Variants in PCDHGB1 observed in about 807,000 individuals in gnomAD.
PCDHGB1 encodes protocadherin gamma subfamily B, 1.
Under a neutral mutation model 56.6 loss-of-function variants are expected in PCDHGB1, and 34 were observed. The observed-to-expected ratio is 0.60, with a 90% CI of 0.46 to 0.80. The LOEUF (loss-of-function observed/expected upper bound fraction) is 0.80. Among genes scored for constraint, PCDHGB1 ranks in the 30% least tolerant of loss-of-function variants. The pLI, the probability that PCDHGB1 is intolerant of heterozygous loss-of-function variation, is 0.00. For synonymous variants in PCDHGB1, 561 were observed against 505.9 expected (o/e 1.11, Z -1.46); for missense variants, 1,278 against 1,204.6 (o/e 1.06, Z -0.90).
At position 141,486,481 on chromosome 5, in the gene PCDHGB1, T is replaced by C. The variant is rs1562112794; in HGVS notation, c.2410-8326T>C. 1 of 1,614,036 alleles carries C rather than the reference T, an allele frequency of 6.2e-7. No individual in the cohort carries two copies. The highest frequency in any genetic ancestry group is 8.5e-7 in the Non-Finnish European group (1 of 1,179,976). Reference sequence around the variant, plus strand: ...CTGATGCTGGGAACCCTCCTCTCAGTACCCACAGAACTATTTTCCTCAATA... The same window carrying C: ...CTGATGCTGGGAACCCTCCTCTCAGCACCCACAGAACTATTTTCCTCAATA... On this transcript the variant is annotated intron_variant, in intron 1 of 3. Coordinates refer to ENST00000523390, the MANE Select transcript of PCDHGB1 (RefSeq NM_018922.3). This position sits in a 1 kb window ranked among gnomAD's most constrained non-coding sequence, Gnocchi z 5.0.
intron 1 of PCDHGB1, chr5:141,374,762 C>A (rs765014957): frequency 1.2e-5 from 19 of 1,613,390 alleles, no homozygotes. Flanking sequence ...AAGCGTCGCC[C>A]AAATTCTGGT....
At position 141,477,843 on chromosome 5, in the gene PCDHGB1, C is replaced by T; in HGVS notation, c.2410-16964C>T. The T allele has an allele frequency of 6.2e-7, 1 of 1,613,408 alleles. No homozygotes were observed. Among genetic ancestry groups the T allele is most frequent in the Non-Finnish European group, 8.5e-7 (1 of 1,179,796 alleles). On this transcript the variant is annotated intron_variant, in intron 1 of 3. Coordinates refer to ENST00000523390, the MANE Select transcript of PCDHGB1 (RefSeq NM_018922.3). The surrounding 1 kb of genome is among the most constrained non-coding windows in gnomAD (Gnocchi z 4.9). Reference sequence around the variant, plus strand: ...CTATATCCTCGGCCAGGTGGGAGCTCGGTGGAGATGCTGCCTCGAGGTACC... The same window carrying T: ...CTATATCCTCGGCCAGGTGGGAGCTTGGTGGAGATGCTGCCTCGAGGTACC...
Position 141,454,782 on chromosome 5 carries a change from C to A in PCDHGB1, c.2410-40025C>A, listed in dbSNP as rs116242508. On this transcript the variant is annotated intron_variant, in intron 1 of 3. Transcript: ENST00000523390. ...GACATGTTTTTTACAAGGAAATAAT[C>A]CTCCATGGTTCTAATTTTTTTTTTT... is the stretch of plus-strand genomic sequence containing the variant. 8.4e-3 allele frequency among the ~76,000 whole-genome samples: 1,205 copies of A among 143,216 alleles called. 20 individuals are homozygous for A. Among genetic ancestry groups the A allele is most frequent in the African/African-American group, 0.03 (1,150 of 37,952 alleles). The allele number at this position is 143,216 out of a possible 152,430, so 94.0% of individuals were successfully genotyped here. A position where few individuals can be genotyped will look rare whatever the true frequency, so the allele number is the denominator to read the frequency against.
In PCDHGB1 at chr5:141,491,257, G is replaced by A. The variant is rs754721047; in HGVS notation, c.2410-3550G>A. 2 of 1,614,170 alleles carry A rather than the reference G, an allele frequency of 1.2e-6. No individual in the cohort carries two copies. The highest frequency in any genetic ancestry group is 3.3e-5 in the Admixed American group (2 of 60,020). On this transcript the variant is annotated intron_variant, in intron 1 of 3. Coordinates refer to ENST00000523390, the MANE Select transcript of PCDHGB1 (RefSeq NM_018922.3). This position sits in a 1 kb window ranked among gnomAD's most constrained non-coding sequence, Gnocchi z 6.9. ...GGTTCTGGAGGATGAGGACCCTGAG[G>A]AAATGCCCAAATCCAGTGACTTCCT... is the stretch of plus-strand genomic sequence containing the variant.
intron 2 of PCDHGB1, among the ~76,000 whole-genome samples, chr5:141,498,411 C>T (rs747823234): frequency 2.0e-5 from 3 of 152,158 alleles, no homozygotes; most frequent in Non-Finnish European, 4.4e-5. Context: ...TTTCTCTTTG[C>T]TGGCACTGGA....
At chr5:141,362,128 G>T (rs1359609195) in intron 1 of PCDHGB1, 2 of 1,613,900 alleles carry the variant, frequency 1.2e-6, no homozygotes, top group Admixed American at 3.3e-5. Flanking sequence ...CCTAATCTTC[G>T]CGGATAGCCT....
At chr5:141,397,183 T>C (rs1319444729) in intron 1 of PCDHGB1, among the ~76,000 whole-genome samples, 2 of 152,190 alleles carry the variant, frequency 1.3e-5, no homozygotes, top group East Asian at 3.8e-4. Flanking sequence ...AATGAATTTA[T>C]GTACTGTAAA....
chr5:141,423,234 C>A (rs1408925478), intron 1 of PCDHGB1: 1 of 1,613,800 alleles, frequency 6.2e-7, no homozygotes, highest in Non-Finnish European at 8.5e-7. Context: ...CCGACAGCAT[C>A]CCCGAAGTCC....
rs147506725 is a variant in PCDHGB1, at chr5:141,442,240, G to A, written c.2410-52567G>A. Reference sequence around the variant, plus strand: ...CTTTAATTTCCTTTTTATTCTTCCTGATTGCATTGTTTGTGCTGGTTTTAA... The same window carrying A: ...CTTTAATTTCCTTTTTATTCTTCCTAATTGCATTGTTTGTGCTGGTTTTAA... On this transcript the variant is annotated intron_variant, in intron 1 of 3. Transcript: ENST00000523390. 1,291 of 153,334 alleles carry A rather than the reference G, an allele frequency of 8.4e-3. 26 individuals carry two copies. The highest frequency in any genetic ancestry group is 0.029 in the African/African-American group (1,208 of 41,552). 9.5% of individuals were successfully genotyped at this position (153,334 alleles called of 1,614,324 possible).
intron 1 of PCDHGB1, chr5:141,371,239 T>C (rs1319098085): frequency 6.2e-7 from 1 of 1,614,010 alleles, no homozygotes. Flanking sequence ...TATGCCTTCA[T>C]CAATATTGGC....
chr5:141,383,730 G>T (rs781549329), intron 1 of PCDHGB1: 2 of 1,613,866 alleles, frequency 1.2e-6, no homozygotes, highest in Admixed American at 3.3e-5. Context: ...ATGGGGAAGT[G>T]ACATATTCTT....
At chr5:141,368,710 A>G (rs1008956527) in intron 1 of PCDHGB1, among the ~76,000 whole-genome samples, 1 of 152,160 alleles carries the variant, frequency 6.6e-6, no homozygotes, top group African/African-American at 2.4e-5. Flanking sequence ...TGATCCATAC[A>G]TTTTGAATGT....
At chr5:141,359,674 C>T (rs1431712939) in intron 1 of PCDHGB1, among the ~76,000 whole-genome samples, 1 of 151,866 alleles carries the variant, frequency 6.6e-6, no homozygotes, top group Admixed American at 6.6e-5. Context: ...AATCCGTTGC[C>T]CTATACAAGA....
At chr5:141,405,491 C>T (rs1399017717) in intron 1 of PCDHGB1, 1 of 858,762 alleles carries the variant, frequency 1.2e-6, no homozygotes, top group East Asian at 2.7e-5. Flanking sequence ...GTGATCTCGG[C>T]TCATTGCAAC....
At chr5:141,374,860 A>C in intron 1 of PCDHGB1, 1 of 1,613,772 alleles carries the variant, frequency 6.2e-7, no homozygotes, top group East Asian at 2.2e-5. Context: ...CAGTAGGCAC[A>C]CCAGTGTTGG....
chr5:141,372,348 C>A, intron 1 of PCDHGB1: 1 of 1,613,852 alleles, frequency 6.2e-7, no homozygotes, highest in Middle Eastern at 1.6e-4. Context: ...TGGAGGACAG[C>A]AGCCTCTTTC....
At chr5:141,430,811 A>G (rs1193066300) in intron 1 of PCDHGB1, 1 of 1,527,400 alleles carries the variant, frequency 6.5e-7, no homozygotes. Flanking sequence ...CCTGCTGGGA[A>G]TCCTCCTGGG....
At position 141,423,614 on chromosome 5, in the gene PCDHGB1, A is replaced by C. The variant is rs1365658002; in HGVS notation, c.2409+70945A>C. 8 of 1,610,406 alleles carry C rather than the reference A, an allele frequency of 5.0e-6. No homozygotes were observed. The highest frequency in any genetic ancestry group is 6.8e-6 in the Non-Finnish European group (8 of 1,178,132). ...AAAAGCGAGCCACTCTTGATAGCTG[A>C]AGACTCAGCTATCATTTTAGGCAAA... On this transcript the variant is annotated intron_variant, in intron 1 of 3. Transcript: ENST00000523390.
chr5:141,400,245 C>T (rs778709619), intron 1 of PCDHGB1: 66 of 1,613,878 alleles, frequency 4.1e-5, no homozygotes, highest in African/African-American at 4.0e-5. Context: ...TGATTCTGGC[C>T]GTTGCCTTGC....
Sources: gnomAD v4.1 joint callset for allele counts (sites outside exome capture counted in the v4.1 genomes callset) on GRCh38, gnomAD v4.1.1 for gene constraint, Gnocchi (gnomAD v3.1) non-coding constraint, MANE v1.5 for transcripts, NCBI Gene and HGNC (gene_info 2026-07-23, HGNC 2026-07-21) for gene names.